The following MIGA1 variants were observed in gnomAD, a reference collection of about 807,000 sequenced individuals.
The protein encoded by MIGA1 is mitoguardin 1.
MIGA1 carries 58 observed loss-of-function variants against 82.0 expected under a neutral mutation model. The observed-to-expected ratio is 0.71, with a 90% CI of 0.57 to 0.88. The LOEUF is 0.88. MIGA1 is among the 40% of genes least tolerant of loss of function. The probability of loss-of-function intolerance (pLI) is 0.00; values close to 1 mark genes in which losing one functional copy is unlikely to be tolerated. For missense variants in MIGA1, 751 were observed against 749.1 expected (o/e 1.00, Z -0.03); for synonymous variants, 249 against 253.6 (o/e 0.98, Z 0.17).
chr1:77,804,105 T>C (rs1338533416), intron 4 of MIGA1, among the ~76,000 whole-genome samples: 2 of 152,132 alleles, frequency 1.3e-5, no homozygotes, highest in African/African-American at 2.4e-5. Flanking sequence ...TTAAAAGAAT[T>C]AGCTGTTCTT....
intron 5 of MIGA1, chr1:77,810,806 A>G: frequency 6.4e-7 from 1 of 1,571,440 alleles, no homozygotes; most frequent in Non-Finnish European, 8.7e-7. Context: ...CAGAGCTATG[A>G]TGGTTTCTAC....
chr1:77,826,885 A>G lies in MIGA1; in HGVS notation c.895+11654A>G, dbSNP rs542484862. 2.7e-5 allele frequency among the ~76,000 whole-genome samples: 4 copies of G among 150,344 alleles called. No homozygotes were observed. In the East Asian group the frequency reaches 7.9e-4, roughly 30 times the overall value. ...AGTGGCACATTCTTGGCTCACTGCA[A>G]CCTCTGCCTCCTGGGTTCAAGTGAT... On this transcript the variant is annotated intron_variant, in intron 7 of 15. Coordinates refer to ENST00000370791, the MANE Select transcript of MIGA1 (RefSeq NM_198549.4).
chr1:77,859,625 T>C, intron 10 of MIGA1: 1 of 475,862 alleles, frequency 2.1e-6, no homozygotes, highest in Middle Eastern at 4.1e-4. Flanking sequence ...ACAGGATATT[T>C]TGATACTTCA....
In MIGA1 at chr1:77,800,126, C is replaced by T. The variant is rs560497912; in HGVS notation, c.196-1205C>T. Among the ~76,000 whole-genome samples, 14 of 152,242 alleles carry T rather than the reference C, an allele frequency of 9.2e-5. No homozygotes were observed. In the South Asian group the frequency reaches 2.9e-3, roughly 32 times the overall value. On this transcript the variant is annotated intron_variant, in intron 2 of 15. Transcript: ENST00000370791. Reference sequence around the variant, plus strand: ...GGTTATGGTGCTGGTTCATGCCCTCCACAGAAGCTGCTGTTTCCCTCCCTC... The same window carrying T: ...GGTTATGGTGCTGGTTCATGCCCTCTACAGAAGCTGCTGTTTCCCTCCCTC...
In MIGA1 at chr1:77,801,453, A is replaced by G. The variant is rs759392225; in HGVS notation, c.318A>G (p.Pro106=). 1.9e-6 allele frequency: 3 copies of G among 1,607,592 alleles called. No homozygotes were observed. Among genetic ancestry groups the G allele is most frequent in the Non-Finnish European group, 8.5e-7 (1 of 1,178,858 alleles). ...GAAAGAAGAAAGGAAAAATATTACC[A>G]TGGGAACCAGAGCACCTCATACTTG... The change falls in exon 3 of 16, where the codon CCA becomes CCG. Residue 106 remains proline, a synonymous_variant. Transcript: ENST00000370791.
intron 1 of MIGA1, among the ~76,000 whole-genome samples, chr1:77,781,588 T>G (rs1383657204): frequency 4.6e-5 from 7 of 152,226 alleles, no homozygotes; most frequent in African/African-American, 1.7e-4. Context: ...ATCCCTTGTC[T>G]TATTCTCCAG....
At chr1:77,839,311 T>G (rs1299062021) in intron 7 of MIGA1, among the ~76,000 whole-genome samples, 3 of 152,112 alleles carry the variant, frequency 2.0e-5, no homozygotes, top group Non-Finnish European at 2.9e-5. Flanking sequence ...TAGGATTTTT[T>G]TTTTTTTGGC....
intron 5 of MIGA1, among the ~76,000 whole-genome samples, chr1:77,807,318 T>C (rs1187008056): frequency 6.6e-6 from 1 of 151,998 alleles, no homozygotes; most frequent in African/African-American, 2.4e-5. Context: ...CATACCACCA[T>C]GCCCAGCTAA....
intron 2 of MIGA1, among the ~76,000 whole-genome samples, chr1:77,784,328 A>G (rs182481345): frequency 1.3e-5 from 2 of 152,222 alleles, no homozygotes; most frequent in African/African-American, 4.8e-5. Flanking sequence ...GGGGTCAAGC[A>G]ATCCTCCCAC....
intron 5 of MIGA1, among the ~76,000 whole-genome samples, chr1:77,808,295 A>C (rs1683186032): frequency 6.6e-6 from 1 of 152,028 alleles, no homozygotes; most frequent in Non-Finnish European, 1.5e-5. Context: ...TGGGATTCTT[A>C]ATTACATCTA....
chr1:77,821,653 C>G lies in MIGA1; in HGVS notation c.895+6422C>G, dbSNP rs527538891. On this transcript the variant is annotated intron_variant, in intron 7 of 15. Coordinates refer to ENST00000370791, the MANE Select transcript of MIGA1 (RefSeq NM_198549.4). The stretch of plus-strand genomic sequence containing the variant: ...AGGTGATCCGCCCGCCTCCGCCCCC[C>G]AAAGTGCTGGGATTACAGTTGTGAG... Among the ~76,000 whole-genome samples, 433 of 152,224 alleles carry G rather than the reference C, an allele frequency of 2.8e-3. 3 individuals carry two copies. Among genetic ancestry groups the G allele is most frequent in the African/African-American group, 1.0e-2 (415 of 41,532 alleles).
Position 77,877,972 on chromosome 1 carries a change from C to T in MIGA1, c.*2908C>T, listed in dbSNP as rs1646906893. 1 of 152,156 alleles carries T rather than the reference C, an allele frequency of 6.6e-6. No homozygotes were observed. The highest frequency in any genetic ancestry group is 6.6e-5 in the Admixed American group (1 of 15,246). The allele number at this position is 152,156 out of a possible 1,614,324, so 9.4% of individuals were successfully genotyped here. A position where few individuals can be genotyped will look rare whatever the true frequency, so the allele number is the denominator to read the frequency against. ...CCTTTCACAAAAGAGGTAAGAGTGA[C>T]CAAATAGAATTTTAGGACAATAAGT... On this transcript the variant is annotated 3_prime_UTR_variant, in exon 16 of 16. Transcript: ENST00000370791.
At chr1:77,856,473 G>C (rs1309541827) in intron 8 of MIGA1, among the ~76,000 whole-genome samples, 1 of 152,106 alleles carries the variant, frequency 6.6e-6, no homozygotes, top group Non-Finnish European at 1.5e-5. Flanking sequence ...TTGAATGTCT[G>C]ATAGAATTCT....
At chr1:77,842,186 T>C (rs907728998) in intron 7 of MIGA1, among the ~76,000 whole-genome samples, 3 of 152,220 alleles carry the variant, frequency 2.0e-5, no homozygotes, top group Admixed American at 6.5e-5. Flanking sequence ...TTCATACTTA[T>C]GATACATTTT....
intron 8 of MIGA1, chr1:77,848,044 C>T (rs572815181): frequency 1.7e-5 from 22 of 1,292,974 alleles, no homozygotes; most frequent in East Asian, 4.6e-5. Flanking sequence ...AGACACCACA[C>T]GAAAGGATCA....
intron 13 of MIGA1, among the ~76,000 whole-genome samples, chr1:77,864,510 T>C (rs892133913): frequency 6.6e-6 from 1 of 151,486 alleles, no homozygotes; most frequent in Admixed American, 6.6e-5. Flanking sequence ...AGGCTGTCTC[T>C]TTTAAAAATA....
chr1:77,869,185 A>T (rs1685796923), intron 14 of MIGA1, among the ~76,000 whole-genome samples: 1 of 144,188 alleles, frequency 6.9e-6, no homozygotes. Flanking sequence ...TTAACAAAGC[A>T]CATCTTGCAC....
chr1:77,865,301 T>C (rs1056427705), intron 13 of MIGA1, among the ~76,000 whole-genome samples: 15 of 151,988 alleles, frequency 9.9e-5, no homozygotes, highest in African/African-American at 3.6e-4. Context: ...TGAAAAAAAA[T>C]TACTTTAGGC....
At chr1:77,820,158 G>A (rs1683747355) in intron 7 of MIGA1, among the ~76,000 whole-genome samples, 1 of 142,430 alleles carries the variant, frequency 7.0e-6, no homozygotes, top group Admixed American at 7.3e-5. Context: ...GTGGTGATCT[G>A]TAGTTAGCTC....
Sources: allele counts gnomAD v4.1 joint callset (sites outside exome capture counted in the v4.1 genomes callset), GRCh38; gene constraint gnomAD v4.1.1; transcripts MANE v1.5; gene names NCBI Gene and HGNC (gene_info 2026-07-23, HGNC 2026-07-21).